The following USP6 variants were observed in gnomAD, a reference collection of about 807,000 sequenced individuals.
USP6 encodes the protein ubiquitin specific peptidase 6, also known as ubiquitin carboxyl-terminal hydrolase 6.
In USP6, 128 loss-of-function variants were observed where a neutral mutation model predicts 175.7. That is an observed-to-expected ratio of 0.73 (90% CI 0.63 to 0.84). USP6 has a LOEUF of 0.84. USP6 is among the 40% of genes least tolerant of loss of function. The probability of loss-of-function intolerance (pLI) is 0.00; values close to 1 mark genes in which losing one functional copy is unlikely to be tolerated. For missense variants in USP6, 1,498 were observed against 1,760.3 expected (o/e 0.85, Z 2.67); for synonymous variants, 562 against 630.6 (o/e 0.89, Z 1.63).
At chr17:5,116,891 T>C in intron 1 of USP6, among the ~76,000 whole-genome samples, 151 bp downstream of exon 1, 1 of 152,168 alleles carries the variant, frequency 6.6e-6, no homozygotes, top group Non-Finnish European at 1.5e-5. Flanking sequence ...TGAAAAGTGA[T>C]GGAGCTAGGT....
intron 26 of USP6, 44 bp downstream of exon 26, chr17:5,144,907 T>C: frequency 6.4e-7 from 1 of 1,553,902 alleles, no homozygotes; most frequent in Non-Finnish European, 8.7e-7. Flanking sequence ...AGACAAAATG[T>C]TCTGACCACA....
chr17:5,168,348 TC>T (rs3841616), intron 34 of USP6, among the ~76,000 whole-genome samples: 73,657 of 152,044 alleles, frequency 0.48, 20,403 homozygotes, highest in Non-Finnish European at 0.64. Flanking sequence ...AAGAGATCAA[TC>T]ATGTAGCCCA....
chr17:5,155,059 G>A (rs2073851901), intron 30 of USP6, among the ~76,000 whole-genome samples: 1 of 152,168 alleles, frequency 6.6e-6, no homozygotes, highest in Admixed American at 6.5e-5. Context: ...TCTGGAGAAA[G>A]AAAGAGTCTC....
chr17:5,171,195 C>T (rs1209662200), intron 36 of USP6, among the ~76,000 whole-genome samples: 1 of 151,822 alleles, frequency 6.6e-6, no homozygotes, highest in African/African-American at 2.4e-5. Context: ...TAAAATGGAG[C>T]GAGGTATGGT....
intron 30 of USP6, among the ~76,000 whole-genome samples, chr17:5,150,942 C>T (rs1217432030): frequency 1.3e-5 from 2 of 152,164 alleles, no homozygotes; most frequent in African/African-American, 4.8e-5. Context: ...CTTGTGACTA[C>T]ATAACTGCAA....
intron 30 of USP6, among the ~76,000 whole-genome samples, chr17:5,154,472 A>G (rs1266613227): frequency 6.6e-6 from 1 of 152,256 alleles, no homozygotes; most frequent in Non-Finnish European, 1.5e-5. Flanking sequence ...AAGGAATATC[A>G]TAAATGTCTC....
At position 5,171,620 on chromosome 17, in the gene USP6, A is replaced by C. The variant is rs763727666; in HGVS notation, c.3988A>C (p.Ile1330Leu). Residue 1330 changes from isoleucine (I) to leucine (L), a missense_variant, in exon 37 of 38, where the codon ATC becomes CTC. Around this residue, in one of 2 missense-constraint regions of USP6, gnomAD observed 1,217 missense variants for 1,500.8 expected, o/e 0.81. Coordinates refer to ENST00000574788, the MANE Select transcript of USP6 (RefSeq NM_001304284.2). ...HSGILSGGHY[I>L]TYAKNPNCKW... The stretch of plus-strand genomic sequence containing the variant: ...AGGAATTCTGAGTGGGGGCCATTAC[A>C]TCACTTATGCCAAAAACCCAAACTG... The C allele has an allele frequency of 6.2e-7, 1 of 1,613,820 alleles. No homozygotes were observed. Among genetic ancestry groups the C allele is most frequent in the Non-Finnish European group, 8.5e-7 (1 of 1,179,800 alleles).
chr17:5,135,840 C>T lies in USP6; in HGVS notation c.576C>T (p.Ile192=). 2 of 1,599,028 alleles carry T rather than the reference C, an allele frequency of 1.3e-6. No individual in the cohort carries two copies. The highest frequency in any genetic ancestry group is 1.7e-6 in the Non-Finnish European group (2 of 1,179,782). Residue 192 remains isoleucine, a synonymous_variant, in exon 17 of 38, where the codon ATC becomes ATT. Coordinates refer to ENST00000574788, the MANE Select transcript of USP6 (RefSeq NM_001304284.2). ...GCTACTGCAGGGACCTGAGCCACATCACCGCCTTGTTCCTCCTTTATCTGC... is the reference window on the plus strand; with the variant it reads ...GCTACTGCAGGGACCTGAGCCACATTACCGCCTTGTTCCTCCTTTATCTGC... The part of the protein sequence containing the change: ...EVGYCRDLSH[I]TALFLLYLPE...
chr17:5,161,710 AAT>A, intron 32 of USP6, 96 bp downstream of exon 32: 1 of 1,360,698 alleles, frequency 7.3e-7, no homozygotes, highest in Non-Finnish European at 1.0e-6. Context: ...GTAAATAGTG[AAT>A]AATGAGAAAC....
intron 21 of USP6, 56 bp from the exon 22 acceptor site, chr17:5,139,199 C>G (rs771003433): frequency 6.3e-7 from 1 of 1,598,382 alleles, no homozygotes; most frequent in African/African-American, 1.3e-5. Flanking sequence ...GGGCCCAGCC[C>G]GGAAAGGCCT....
At chr17:5,127,934 T>C (rs1487154452) in intron 7 of USP6, among the ~76,000 whole-genome samples, 2 of 152,224 alleles carry the variant, frequency 1.3e-5, no homozygotes, top group East Asian at 1.9e-4. Flanking sequence ...ATATTTTCCA[T>C]CTGCTGTTGG....
rs536070162 is a variant in USP6, at chr17:5,149,206, C to T, written c.2643+439C>T. On this transcript the variant is annotated intron_variant, in intron 30 of 37. Coordinates refer to ENST00000574788, the MANE Select transcript of USP6 (RefSeq NM_001304284.2). Reference sequence around the variant, plus strand: ...TCACCTGAGGTCAGGAGTTCGAGAACAGCCTGGCCAACATGGTGAAATCCC... The same window carrying T: ...TCACCTGAGGTCAGGAGTTCGAGAATAGCCTGGCCAACATGGTGAAATCCC... 2.6e-5 allele frequency among the ~76,000 whole-genome samples: 4 copies of T among 152,272 alleles called. No homozygotes were observed. The East Asian group carries it at 5.8e-4, about 22-fold the overall frequency.
chr17:5,165,579 T>TCAAAA (rs752963166), intron 33 of USP6, among the ~76,000 whole-genome samples: 134 of 151,856 alleles, frequency 8.8e-4, no homozygotes, highest in African/African-American at 1.6e-3. Context: ...AGACCCTGTC[T>TCAAAA]CAAAACAAAA....
intron 22 of USP6, among the ~76,000 whole-genome samples, chr17:5,141,008 C>T (rs910466146): frequency 6.6e-6 from 1 of 152,136 alleles, no homozygotes; most frequent in African/African-American, 2.4e-5. Context: ...TGCAGTGGTG[C>T]AATCATGGCT....
chr17:5,133,508 G>A lies in USP6; in HGVS notation c.342G>A (p.Leu114=). 1 of 1,611,636 alleles carries A rather than the reference G, an allele frequency of 6.2e-7. No individual in the cohort carries two copies. The change falls in exon 14 of 38, where the codon CTG becomes CTA. Residue 114 remains leucine (L), a synonymous_variant. Coordinates refer to ENST00000574788, the MANE Select transcript of USP6 (RefSeq NM_001304284.2). The part of the protein sequence containing the change: ...NIRGPVWSVL[L]NIQEIKLKNP... ...GGGGCCCGGTGTGGTCAGTCCTCCT[G>A]AACATTCAGGAAATCAAGTTGAAAA...
In USP6 at chr17:5,136,055, G is replaced by A. The variant is rs567901485; in HGVS notation, c.664+127G>A. The A allele has an allele frequency of 3.4e-3, 5,231 of 1,519,082 alleles. 10 individuals are homozygous for A. The highest frequency in any genetic ancestry group is 4.3e-3 in the Non-Finnish European group (4,843 of 1,137,496). The allele number at this position is 1,519,082 out of a possible 1,614,324, so 94.1% of individuals were successfully genotyped here. On this transcript the variant is annotated intron_variant, in intron 17 of 37. Transcript: ENST00000574788. Reference sequence around the variant, plus strand: ...CCAGCTTGTTGGGAGCATTTAGGACGTCTCTGCTGAGGGTCCCACAGGAGT... The same window carrying A: ...CCAGCTTGTTGGGAGCATTTAGGACATCTCTGCTGAGGGTCCCACAGGAGT...
intron 30 of USP6, among the ~76,000 whole-genome samples, chr17:5,150,050 T>G (rs1233732104): frequency 6.6e-6 from 1 of 152,018 alleles, no homozygotes; most frequent in African/African-American, 2.4e-5. Context: ...TCCCAGCACT[T>G]TGGGAGGCTG....
At chr17:5,155,401 T>C in intron 30 of USP6, 21 bp from the exon 31 acceptor site, 2 of 1,610,348 alleles carry the variant, frequency 1.2e-6, no homozygotes, top group East Asian at 2.2e-5. Context: ...CTCAACTCTC[T>C]ATTCTCGTTT....
At chr17:5,169,966 A>C (rs1238705543) in intron 35 of USP6, among the ~76,000 whole-genome samples, 1 of 152,072 alleles carries the variant, frequency 6.6e-6, no homozygotes, top group Non-Finnish European at 1.5e-5. Flanking sequence ...GTTCTCAATA[A>C]TTTTTAAAGG....
Sources: allele counts gnomAD v4.1 joint callset (sites outside exome capture counted in the v4.1 genomes callset), GRCh38; gene constraint gnomAD v4.1.1; regional missense constraint gnomAD v4.1.1; transcripts MANE v1.5; gene names NCBI Gene and HGNC (gene_info 2026-07-23, HGNC 2026-07-21).